Variants in SOX5 observed in about 807,000 individuals in gnomAD.
The protein encoded by SOX5 is SRY-box transcription factor 5, also known as transcription factor SOX-5.
Under a neutral mutation model 92.0 loss-of-function variants are expected in SOX5, and 9 were observed. The observed-to-expected ratio is 0.10, with a 90% CI of 0.06 to 0.17. The LOEUF (loss-of-function observed/expected upper bound fraction) is 0.17. Ranked by LOEUF, SOX5 falls within the 10% of genes least tolerant of loss-of-function variation. SOX5 has a pLI of 1.00. For missense variants in SOX5, 642 were observed against 944.5 expected (o/e 0.68, Z 4.20); for synonymous variants, 344 against 336.3 (o/e 1.02, Z -0.25).
chr12:23,629,959 T>G (rs1211478925), intron 8 of SOX5, among the ~76,000 whole-genome samples: 1 of 151,956 alleles, frequency 6.6e-6, no homozygotes, highest in East Asian at 1.9e-4. Context: ...AAATAAAAAT[T>G]TTCTCAATTC....
chr12:23,868,894 G>C (rs1048651164), intron 2 of SOX5, among the ~76,000 whole-genome samples: 1 of 152,052 alleles, frequency 6.6e-6, no homozygotes, highest in African/African-American at 2.4e-5. Context: ...AACCTCTTAT[G>C]ACTCCTCAAC....
chr12:24,162,597 A>C (rs1013450238), intron 4 of SOX5, among the ~76,000 whole-genome samples: 1 of 152,160 alleles, frequency 6.6e-6, no homozygotes, highest in Non-Finnish European at 1.5e-5. Flanking sequence ...TTAGGAAAAA[A>C]CCGTGGCTTA....
chr12:23,746,278 A>G (rs2093981717), intron 4 of SOX5, among the ~76,000 whole-genome samples: 1 of 152,182 alleles, frequency 6.6e-6, no homozygotes, highest in Admixed American at 6.6e-5. Context: ...AATATTAACT[A>G]GATCCTTGGA....
rs190555164 is a variant in SOX5 at position 24,142,863 on chromosome 12, C to T, written c.-2+70480G>A. Among the ~76,000 whole-genome samples, 322 of 150,470 alleles carry T rather than the reference C, an allele frequency of 2.1e-3. 3 individuals are homozygous for T. Among genetic ancestry groups the T allele is most frequent in the African/African-American group, 7.4e-3 (301 of 40,800 alleles). ...TCATAAGGCCAGCTACTAGATAAGA[C>T]AAACCTGCATAGAGAACTTGGGAGA... On this transcript the variant is annotated intron_variant, in intron 4 of 4. Transcript: ENST00000446891.
At chr12:24,373,124 G>GA (rs5797081) in intron 1 of SOX5, among the ~76,000 whole-genome samples, 84,128 of 149,300 alleles carry the variant, frequency 0.56, 23,823 homozygotes, top group Non-Finnish European at 0.62. Flanking sequence ...GTGTCAAGAG[G>GA]AAAAAAAAAA....
chr12:24,458,272 C>T (rs1943238664), intron 1 of SOX5, among the ~76,000 whole-genome samples: 1 of 152,100 alleles, frequency 6.6e-6, no homozygotes, highest in Non-Finnish European at 1.5e-5. Flanking sequence ...GACATTAATG[C>T]ATAAAATGAT....
chr12:24,392,117 C>T (rs1350890903), intron 1 of SOX5, among the ~76,000 whole-genome samples: 2 of 152,148 alleles, frequency 1.3e-5, no homozygotes, highest in Non-Finnish European at 2.9e-5. Context: ...GAGTAGATCA[C>T]TTTTCACATC....
At chr12:24,135,872 A>G (rs903333276) in intron 4 of SOX5, among the ~76,000 whole-genome samples, 2 of 152,200 alleles carry the variant, frequency 1.3e-5, no homozygotes, top group African/African-American at 2.4e-5. Context: ...CAAAGAATGC[A>G]CTTGAAATCA....
rs372143573 is a variant in SOX5 at position 23,982,454 on chromosome 12, AG to A, written c.-1-86431del. 5.7e-3 allele frequency among the ~76,000 whole-genome samples: 872 copies of A among 152,306 alleles called. 4 individuals are homozygous for A. The highest frequency in any genetic ancestry group is 7.8e-3 in the Non-Finnish European group (529 of 68,020). On this transcript the variant is annotated intron_variant, in intron 4 of 4. Coordinates refer to the SOX5 transcript ENST00000446891. ...AATCTCCATTCGGAGAATGTATGAG[AG>A]TGTCTAGAGATTCATTATGTAATAA... is the stretch of plus-strand genomic sequence containing the variant.
At chr12:23,828,274 C>T (rs78744823) in intron 3 of SOX5, among the ~76,000 whole-genome samples, 1 of 152,084 alleles carries the variant, frequency 6.6e-6, no homozygotes, top group South Asian at 2.1e-4. Context: ...CACCTAAGGA[C>T]ACATTTCTCA....
chr12:23,762,255 C>G (rs944500969), intron 3 of SOX5, among the ~76,000 whole-genome samples: 4 of 151,990 alleles, frequency 2.6e-5, no homozygotes, highest in Non-Finnish European at 5.9e-5. Flanking sequence ...AAAAAATAAC[C>G]TGGGCACAGT....
intron 4 of SOX5, among the ~76,000 whole-genome samples, chr12:24,209,975 G>T (rs1346251093): frequency 9.0e-6 from 1 of 111,454 alleles, no homozygotes; most frequent in Non-Finnish European, 1.6e-5. Context: ...CCGAGATCCC[G>T]CCACTGCACT....
intron 4 of SOX5, among the ~76,000 whole-genome samples, chr12:24,192,558 T>C (rs1019624134): frequency 6.6e-6 from 1 of 152,222 alleles, no homozygotes; most frequent in Non-Finnish European, 1.5e-5. Context: ...GAATGAAATA[T>C]CGAATTCAAA....
chr12:23,821,345 A>G (rs981531662), intron 3 of SOX5, among the ~76,000 whole-genome samples: 2 of 152,212 alleles, frequency 1.3e-5, no homozygotes, highest in Non-Finnish European at 2.9e-5. Flanking sequence ...GGGGTTTTCT[A>G]AATATACAAT....
intron 3 of SOX5, among the ~76,000 whole-genome samples, chr12:23,833,448 A>G (rs1370811344): frequency 6.6e-6 from 1 of 151,928 alleles, no homozygotes; most frequent in Non-Finnish European, 1.5e-5. Flanking sequence ...ATTCTAGAAC[A>G]TTTTTCAAAA....
At chr12:23,807,208 A>G (rs947170835) in intron 3 of SOX5, among the ~76,000 whole-genome samples, 1 of 152,156 alleles carries the variant, frequency 6.6e-6, no homozygotes, top group African/African-American at 2.4e-5. Flanking sequence ...CCATCTATCC[A>G]TTTGTCTTTA....
At chr12:24,427,782 G>T (rs555641856) in intron 1 of SOX5, among the ~76,000 whole-genome samples, 3 of 152,306 alleles carry the variant, frequency 2.0e-5, no homozygotes, top group Non-Finnish European at 4.4e-5. Flanking sequence ...ATCCACGACG[G>T]TGGAAATATC....
chr12:23,953,044 C>G (rs1203414077), upstream of SOX5, among the ~76,000 whole-genome samples: 1 of 152,200 alleles, frequency 6.6e-6, no homozygotes, highest in African/African-American at 2.4e-5. Context: ...TTTATAAAAG[C>G]TGTCATTAAG....
chr12:23,920,308 T>C (rs1937786514), intron 1 of SOX5: 1 of 152,208 alleles, frequency 6.6e-6, no homozygotes, highest in African/African-American at 2.4e-5. Context: ...AATTCTAAGA[T>C]ATTGTTTGTA....
Sources: allele counts gnomAD v4.1 joint callset (sites outside exome capture counted in the v4.1 genomes callset), GRCh38; gene constraint gnomAD v4.1.1; transcripts MANE v1.5; gene names NCBI Gene and HGNC (gene_info 2026-07-23, HGNC 2026-07-21).